OR51E2: variants seen among roughly 807,000 people sequenced by gnomAD.
OR51E2 encodes the protein olfactory receptor 51E2.
OR51E2 carries 14 observed loss-of-function variants against 13.7 expected under a neutral mutation model. The ratio of observed to expected loss-of-function variants is 1.02; its 90% confidence interval spans 0.68 to 1.60. OR51E2 has a LOEUF of 1.60. OR51E2 is among the 40% of genes most tolerant of loss of function. The pLI, the probability that OR51E2 is intolerant of heterozygous loss-of-function variation, is 0.00. For missense variants in OR51E2, 483 were observed against 413.8 expected (o/e 1.17, Z -1.45); for synonymous variants, 180 against 157.6 (o/e 1.14, Z -1.07).
chr11:4,693,742 A>C (rs968138599), intron 1 of OR51E2, among the ~76,000 whole-genome samples: 7 of 152,062 alleles, frequency 4.6e-5, no homozygotes, highest in African/African-American at 1.7e-4. Context: ...CAAACAAACA[A>C]AAAACTGTTG....
intron 1 of OR51E2, among the ~76,000 whole-genome samples, chr11:4,688,633 G>T (rs929031938): frequency 6.6e-6 from 1 of 152,126 alleles, no homozygotes; most frequent in Non-Finnish European, 1.5e-5. Context: ...ACTTCACTGT[G>T]GGGGGAAATA....
intron 1 of OR51E2, among the ~76,000 whole-genome samples, chr11:4,695,909 T>G (rs1564888763): frequency 6.6e-6 from 1 of 152,192 alleles, no homozygotes; most frequent in African/African-American, 2.4e-5. Flanking sequence ...CCTTGAGATA[T>G]CTTGGTTATT....
intron 1 of OR51E2, chr11:4,691,154 G>A (rs1182109994): frequency 4.4e-6 from 2 of 456,744 alleles, no homozygotes; most frequent in Non-Finnish European, 8.8e-6. Flanking sequence ...TCACATCAGG[G>A]TGGTAGCAGT....
At chr11:4,688,578 G>A (rs910406659) in intron 1 of OR51E2, among the ~76,000 whole-genome samples, 5 of 152,164 alleles carry the variant, frequency 3.3e-5, no homozygotes, top group African/African-American at 1.2e-4. Flanking sequence ...TGCCCTTGGG[G>A]TATATTGAAC....
chr11:4,688,742 G>A (rs1072893), intron 1 of OR51E2, among the ~76,000 whole-genome samples: 1 of 152,152 alleles, frequency 6.6e-6, no homozygotes, highest in Admixed American at 6.6e-5. Flanking sequence ...TAGCAGTAGA[G>A]ATGGTATAAA....
chr11:4,685,804 G>C (rs58655671), intron 1 of OR51E2: 1 of 152,090 alleles, frequency 6.6e-6, no homozygotes. Context: ...AGGATATTGA[G>C]GTATCCTCAG....
At position 4,682,119 on chromosome 11, in the gene OR51E2, C is replaced by G; in HGVS notation, c.593G>C (p.Gly198Ala). Residue 198 changes from glycine to alanine, a missense_variant, in exon 2 of 2, where the codon GGT becomes GCT. Coordinates refer to ENST00000396950, the MANE Select transcript of OR51E2 (RefSeq NM_030774.4). ...CATGACCAGCAGAATGGCAGTAAGA[C>G]CATATACCACATTGGGCAAAGTGTC... ...YADTLPNVVY[G>A]LTAILLVMGV... is the part of the protein sequence containing the mutation. 1 of 1,614,198 alleles carries G rather than the reference C, an allele frequency of 6.2e-7. No homozygotes were observed. Among genetic ancestry groups the G allele is most frequent in the Non-Finnish European group, 8.5e-7 (1 of 1,180,042 alleles).
intron 1 of OR51E2, among the ~76,000 whole-genome samples, chr11:4,692,683 G>A (rs987464774): frequency 2.6e-5 from 4 of 152,140 alleles, no homozygotes; most frequent in Non-Finnish European, 5.9e-5. Flanking sequence ...CTCAATCAAT[G>A]AGAGAGAGCC....
chr11:4,681,875 G>A lies in OR51E2; in HGVS notation c.837C>T (p.Tyr279=), dbSNP rs150799570. The A allele has an allele frequency of 3.4e-5, 55 of 1,614,128 alleles. No homozygotes were observed. The East Asian group carries it at 6.7e-4, about 20-fold the overall frequency. ...GATTGATGACAGGAGGCAGCAGCAG[G>A]TAGATGTCACCCATGACAACACGCA... ...PIVRVVMGDI[Y]LLLPPVINPI... Residue 279 remains tyrosine (Y), a synonymous_variant, in exon 2 of 2, where the codon TAC becomes TAT. Coordinates refer to ENST00000396950, the MANE Select transcript of OR51E2 (RefSeq NM_030774.4).
intron 1 of OR51E2, among the ~76,000 whole-genome samples, chr11:4,688,325 G>GT (rs1236651876): frequency 2.6e-5 from 4 of 152,142 alleles, no homozygotes; most frequent in African/African-American, 9.7e-5. Context: ...CTAAAGTGAG[G>GT]TGTAAGTCAC....
At chr11:4,686,407 T>G (rs1847516111) in intron 1 of OR51E2, among the ~76,000 whole-genome samples, 1 of 152,178 alleles carries the variant, frequency 6.6e-6, no homozygotes, top group Admixed American at 6.5e-5. Flanking sequence ...GAGAGGTCAA[T>G]GGATGTGAAC....
intron 1 of OR51E2, among the ~76,000 whole-genome samples, chr11:4,696,489 G>A (rs748061667): frequency 6.6e-6 from 1 of 152,100 alleles, no homozygotes; most frequent in African/African-American, 2.4e-5. Flanking sequence ...ATATAAGAAG[G>A]CCAAGCAATT....
At chr11:4,686,216 G>A (rs899219466) in intron 1 of OR51E2, among the ~76,000 whole-genome samples, 14 of 152,188 alleles carry the variant, frequency 9.2e-5, no homozygotes, top group African/African-American at 2.9e-4. Context: ...AAAGAGCAGT[G>A]AATGCCACAG....
At chr11:4,690,796 T>C (rs1015676715) in intron 1 of OR51E2, 11 of 429,804 alleles carry the variant, frequency 2.6e-5, no homozygotes, top group African/African-American at 1.8e-4. Flanking sequence ...ATCACAGCTC[T>C]ACGTATCTGT....
intron 1 of OR51E2, chr11:4,690,911 G>A (rs746960759): frequency 2.2e-6 from 1 of 456,306 alleles, no homozygotes; most frequent in South Asian, 1.6e-5. Context: ...TCCCAAATCT[G>A]TGAACAATGG....
In OR51E2 at chr11:4,692,250, T is replaced by C. The variant is rs1470037615; in HGVS notation, c.-51+5403A>G. 23 of 380,604 alleles carry C rather than the reference T, an allele frequency of 6.0e-5. 1 individual carries two copies. The highest frequency in any genetic ancestry group is 4.2e-4 in the South Asian group (21 of 49,808). 23.6% of individuals were successfully genotyped at this position (380,604 alleles called of 1,614,324 possible). ...GATCATTATAATACAAAGTAACACATAGGAAGTGACAAATAAATGGCTTCA... is the reference window on the plus strand; with the variant it reads ...GATCATTATAATACAAAGTAACACACAGGAAGTGACAAATAAATGGCTTCA... On this transcript the variant is annotated intron_variant, in intron 1 of 1. Transcript: ENST00000396950.
chr11:4,681,539 G>T lies in OR51E2; in HGVS notation c.*210C>A. On this transcript the variant is annotated 3_prime_UTR_variant, in exon 2 of 2. Transcript: ENST00000396950. Reference sequence around the variant, plus strand: ...TTTTCTTAATGTTATAAGCATGTTTGGTTTTATTGTAGTCTTTAAATCATG... The same window carrying T: ...TTTTCTTAATGTTATAAGCATGTTTTGTTTTATTGTAGTCTTTAAATCATG... 1.8e-6 allele frequency: 1 copy of T among 567,830 alleles called. No individual in the cohort carries two copies. Among genetic ancestry groups the T allele is most frequent in the Non-Finnish European group, 3.1e-6 (1 of 325,134 alleles). 35.2% of individuals were successfully genotyped at this position (567,830 alleles called of 1,614,324 possible).
intron 1 of OR51E2, among the ~76,000 whole-genome samples, chr11:4,687,577 G>A (rs1484634695): frequency 2.6e-5 from 4 of 152,116 alleles, no homozygotes; most frequent in African/African-American, 4.8e-5. Context: ...TGTGCCATCT[G>A]AATCCTTACA....
rs1589871099 is a variant in OR51E2 at position 4,681,669 on chromosome 11, G to A, written c.*80C>T. 6.6e-7 allele frequency: 1 copy of A among 1,523,016 alleles called. No homozygotes were observed. The highest frequency in any genetic ancestry group is 9.0e-7 in the Non-Finnish European group (1 of 1,110,458). 94.3% of individuals were successfully genotyped at this position (1,523,016 alleles called of 1,614,324 possible). A position where few individuals can be genotyped will look rare whatever the true frequency, so the allele number is the denominator to read the frequency against. On this transcript the variant is annotated 3_prime_UTR_variant, in exon 2 of 2. Transcript: ENST00000396950. ...AGAGAAAAGTACTGATGTGCTTATG[G>A]GCAACTGGAAATAAGCTAGTGTTAG...
Sources: allele counts gnomAD v4.1 joint callset (sites outside exome capture counted in the v4.1 genomes callset), GRCh38; gene constraint gnomAD v4.1.1; transcripts MANE v1.5; gene names NCBI Gene and HGNC (gene_info 2026-07-23, HGNC 2026-07-21).